The following CNTNAP2 variants were observed in gnomAD, a reference collection of about 807,000 sequenced individuals.
The protein encoded by CNTNAP2 is contactin associated protein 2, also known as contactin-associated protein-like 2.
Under a neutral mutation model 155.2 loss-of-function variants are expected in CNTNAP2, and 98 were observed. That is an observed-to-expected ratio of 0.63 (90% CI 0.54 to 0.75). CNTNAP2 has a LOEUF of 0.75. Among genes scored for constraint, CNTNAP2 ranks in the 30% least tolerant of loss-of-function variants. CNTNAP2 has a pLI of 0.00. For synonymous variants in CNTNAP2, 651 were observed against 631.2 expected, an observed-to-expected ratio of 1.03 and a Z score of -0.47; for missense variants, 1,727 against 1,688.1, an observed-to-expected ratio of 1.02 and a Z score of -0.40.
intron 1 of CNTNAP2, among the ~76,000 whole-genome samples, chr7:146,553,432 A>G (rs568691620): frequency 1.3e-5 from 2 of 152,012 alleles, no homozygotes; most frequent in African/African-American, 4.8e-5. Flanking sequence ...TTCTCACTTG[A>G]TGTTTAGTGT....
At position 147,605,471 on chromosome 7, in the gene CNTNAP2, T is replaced by C. The variant is rs148576264; in HGVS notation, c.1898-33635T>C. 1.8e-3 allele frequency among the ~76,000 whole-genome samples: 274 copies of C among 152,234 alleles called. 1 individual carries two copies. Among genetic ancestry groups the C allele is most frequent in the African/African-American group, 6.3e-3 (260 of 41,542 alleles). On this transcript the variant is annotated intron_variant, in intron 12 of 23. Coordinates refer to ENST00000361727, the MANE Select transcript of CNTNAP2 (RefSeq NM_014141.6). Reference sequence around the variant, plus strand: ...AATTATGTGAGGTGAGGAAAGGAAATGCATGTCGAGCAAAGGTTACCTTGT... The same window carrying C: ...AATTATGTGAGGTGAGGAAAGGAAACGCATGTCGAGCAAAGGTTACCTTGT...
At chr7:146,145,758 A>C (rs1562967092) in intron 1 of CNTNAP2, among the ~76,000 whole-genome samples, 1 of 152,266 alleles carries the variant, frequency 6.6e-6, no homozygotes, top group African/African-American at 2.4e-5. Context: ...AATTCAATGT[A>C]TTTGTACCTC....
chr7:146,177,771 G>A (rs1006871590), intron 1 of CNTNAP2, among the ~76,000 whole-genome samples: 1 of 152,040 alleles, frequency 6.6e-6, no homozygotes, highest in Non-Finnish European at 1.5e-5. Flanking sequence ...TCCCTCTTTT[G>A]TTATTTACAA....
At chr7:146,928,013 TA>T (rs1247877215) in intron 3 of CNTNAP2, among the ~76,000 whole-genome samples, 1 of 151,132 alleles carries the variant, frequency 6.6e-6, no homozygotes, top group East Asian at 1.9e-4. Flanking sequence ...ATTTTCCTTA[TA>T]AAATATCCCT....
intron 1 of CNTNAP2, among the ~76,000 whole-genome samples, chr7:146,592,239 A>T (rs930088933): frequency 6.6e-6 from 1 of 152,218 alleles, no homozygotes; most frequent in Non-Finnish European, 1.5e-5. Context: ...TCTCTGTGGC[A>T]TATGGTCTTC....
chr7:148,370,853 T>C (rs1798874498), intron 21 of CNTNAP2, among the ~76,000 whole-genome samples: 2 of 152,206 alleles, frequency 1.3e-5, no homozygotes, highest in Non-Finnish European at 2.9e-5. Context: ...GGTGCCGGCC[T>C]TTCCAACACC....
chr7:147,020,191 T>C (rs1475215662), intron 3 of CNTNAP2, among the ~76,000 whole-genome samples: 3 of 152,168 alleles, frequency 2.0e-5, no homozygotes, highest in Middle Eastern at 3.2e-3. Flanking sequence ...GCTATTACAC[T>C]TGATGCAATC....
intron 1 of CNTNAP2, among the ~76,000 whole-genome samples, chr7:146,431,322 T>C (rs1796169838): frequency 6.6e-6 from 1 of 152,058 alleles, no homozygotes; most frequent in Non-Finnish European, 1.5e-5. Flanking sequence ...CTTCAATGTG[T>C]ACAGAGCCCA....
intron 15 of CNTNAP2, among the ~76,000 whole-genome samples, chr7:148,002,603 GAC>G (rs1460167650): frequency 2.6e-5 from 4 of 152,096 alleles, no homozygotes; most frequent in Non-Finnish European, 5.9e-5. Flanking sequence ...TCATTTAGAT[GAC>G]ACATTTAATT....
At chr7:147,470,250 G>A (rs561610665) in intron 10 of CNTNAP2, among the ~76,000 whole-genome samples, 9 of 152,348 alleles carry the variant, frequency 5.9e-5, no homozygotes, top group African/African-American at 1.9e-4. Context: ...ATCCAAGCAT[G>A]CTATGATAGT....
chr7:146,718,394 A>G (rs1393123020), intron 1 of CNTNAP2, among the ~76,000 whole-genome samples: 1 of 152,016 alleles, frequency 6.6e-6, no homozygotes, highest in Non-Finnish European at 1.5e-5. Context: ...AGCCTCATTG[A>G]CTGGAAGAAT....
intron 13 of CNTNAP2, among the ~76,000 whole-genome samples, chr7:147,874,204 A>C (rs1386712948): frequency 2.0e-5 from 3 of 152,192 alleles, no homozygotes; most frequent in Non-Finnish European, 4.4e-5. Context: ...CAGCTCCACT[A>C]TGCAGTGCCC....
intron 1 of CNTNAP2, among the ~76,000 whole-genome samples, chr7:146,485,532 T>C (rs1797042345): frequency 6.6e-6 from 1 of 152,216 alleles, no homozygotes; most frequent in African/African-American, 2.4e-5. Flanking sequence ...CACATGCTCT[T>C]TCCTTCATAT....
At chr7:147,792,460 C>A (rs986435126) in intron 13 of CNTNAP2, among the ~76,000 whole-genome samples, 2 of 152,028 alleles carry the variant, frequency 1.3e-5, no homozygotes, top group Non-Finnish European at 2.9e-5. Context: ...TTGCTTCTTT[C>A]ACTTAGCATA....
At chr7:147,269,171 C>T (rs1220930421) in intron 8 of CNTNAP2, among the ~76,000 whole-genome samples, 3 of 152,100 alleles carry the variant, frequency 2.0e-5, no homozygotes, top group African/African-American at 7.2e-5. Context: ...TCTGTTTGGT[C>T]CTTGAGGATT....
chr7:147,731,021 GC>G (rs1272159477), intron 13 of CNTNAP2, among the ~76,000 whole-genome samples: 1 of 152,122 alleles, frequency 6.6e-6, no homozygotes, highest in Non-Finnish European at 1.5e-5. Flanking sequence ...AAGTGAGAAA[GC>G]TGCAGAAGAA....
At chr7:147,491,176 C>T (rs1171610378) in intron 11 of CNTNAP2, among the ~76,000 whole-genome samples, 1 of 152,126 alleles carries the variant, frequency 6.6e-6, no homozygotes, top group African/African-American at 2.4e-5. Context: ...ACCTGGCTTG[C>T]CAGGTCCTAC....
intron 1 of CNTNAP2, among the ~76,000 whole-genome samples, chr7:146,137,311 C>T (rs752790859): frequency 3.6e-4 from 55 of 152,026 alleles, no homozygotes; most frequent in Non-Finnish European, 7.2e-4. Context: ...AAAGTTCTTT[C>T]GGGCCATAAT....
At chr7:146,292,774 C>G (rs1800451933) in intron 1 of CNTNAP2, among the ~76,000 whole-genome samples, 1 of 152,052 alleles carries the variant, frequency 6.6e-6, no homozygotes, top group South Asian at 2.1e-4. Flanking sequence ...AAATTAGGAA[C>G]AGAAAGTCAA....
Sources: allele counts gnomAD v4.1 joint callset (sites outside exome capture counted in the v4.1 genomes callset), GRCh38; gene constraint gnomAD v4.1.1; transcripts MANE v1.5; gene names NCBI Gene and HGNC (gene_info 2026-07-23, HGNC 2026-07-21).